Variants in CPLANE1 observed in about 807,000 individuals in gnomAD.
CPLANE1 encodes the protein ciliogenesis and planar polarity effector 1.
CPLANE1 carries 263 observed loss-of-function variants against 362.5 expected under a neutral mutation model. The observed-to-expected ratio is 0.73, with a 90% CI of 0.66 to 0.80. The LOEUF is 0.80. CPLANE1 is among the 30% of genes least tolerant of loss of function. CPLANE1 has a pLI of 0.00. For missense variants in CPLANE1, 3,461 were observed against 3,793.4 expected, an observed-to-expected ratio of 0.91 and a Z score of 2.30; for synonymous variants, 1,212 against 1,302.6, an observed-to-expected ratio of 0.93 and a Z score of 1.50.
Position 37,162,327 on chromosome 5 carries a change from G to A in CPLANE1, c.7690+138C>T, listed in dbSNP as rs1475036978. The A allele has an allele frequency of 1.2e-5, 7 of 603,436 alleles. No homozygotes were observed. The Admixed American group carries it at 2.1e-4, about 18-fold the overall frequency. The allele number at this position is 603,436 out of a possible 1,614,324, so 37.4% of individuals were successfully genotyped here. On this transcript the variant is annotated intron_variant, in intron 38 of 52. Transcript: ENST00000651892. ...GATTTCTACAGTATATACCAAGACT[G>A]GAAAGAAAAATCTAGGCAGAGTAAA...
chr5:37,225,852 CA>C (rs70976285), intron 12 of CPLANE1, among the ~76,000 whole-genome samples: 10,682 of 57,872 alleles, frequency 0.18, 299 homozygotes, highest in African/African-American at 0.31. Context: ...TACTCCATCT[CA>C]AAAAAAAAAA....
the CPLANE1 span, among the ~76,000 whole-genome samples, chr5:37,096,310 C>T: frequency 2.0e-5 from 3 of 152,160 alleles, no homozygotes; most frequent in Non-Finnish European, 2.9e-5. Context: ...GGGGAAAGGA[C>T]ACCCTTTTCA....
At chr5:37,248,591 G>A (rs1234336324) in intron 1 of CPLANE1, among the ~76,000 whole-genome samples, 1 of 152,182 alleles carries the variant, frequency 6.6e-6, no homozygotes, top group Non-Finnish European at 1.5e-5. Flanking sequence ...AGGCTGCAGT[G>A]AGCTGTGATT....
At chr5:37,119,312 C>T (rs1761955195) in intron 50 of CPLANE1, among the ~76,000 whole-genome samples, 2 of 152,182 alleles carry the variant, frequency 1.3e-5, no homozygotes, top group South Asian at 4.2e-4. Flanking sequence ...GCCAGATATA[C>T]AAAAGAAACA....
the CPLANE1 span, among the ~76,000 whole-genome samples, chr5:37,092,038 T>C: frequency 2.6e-5 from 4 of 152,342 alleles, no homozygotes; most frequent in East Asian, 7.7e-4. Context: ...GCAACTCACA[T>C]AGGGTATTGA....
chr5:37,226,122 G>C (rs1169206217), intron 12 of CPLANE1, among the ~76,000 whole-genome samples, 182 bp downstream of exon 12: 8 of 151,984 alleles, frequency 5.3e-5, no homozygotes, highest in Admixed American at 5.2e-4. Flanking sequence ...TTTCTTTCTG[G>C]GGTGATAAAA....
chr5:37,165,750 T>C (rs1252804542), intron 35 of CPLANE1, 79 bp from the exon 36 acceptor site: 2 of 1,292,258 alleles, frequency 1.5e-6, no homozygotes, highest in Admixed American at 2.7e-5. Context: ...TATATAGGGA[T>C]ACAGTTGACA....
chr5:37,165,581 G>A lies in CPLANE1; in HGVS notation c.7491C>T (p.Ser2497=). The A allele has an allele frequency of 6.2e-7, 1 of 1,608,406 alleles. No homozygotes were observed. Among genetic ancestry groups the A allele is most frequent in the Non-Finnish European group, 8.5e-7 (1 of 1,178,392 alleles). Residue 2497 remains serine, a synonymous_variant, in exon 36 of 53, where the codon TCC becomes TCT. Transcript: ENST00000651892. Reference sequence around the variant, plus strand: ...TTTCTGAATCATCATTATTAATTATGGAATTCTCTGGTCGAAAAGTCACAT... The same window carrying A: ...TTTCTGAATCATCATTATTAATTATAGAATTCTCTGGTCGAAAAGTCACAT... The part of the protein sequence containing the change: ...KPNVTFRPEN[S]IINNDDSEII...
At chr5:37,081,209 G>GA in the CPLANE1 span, among the ~76,000 whole-genome samples, 1 of 152,064 alleles carries the variant, frequency 6.6e-6, no homozygotes, top group East Asian at 1.9e-4. Context: ...AGAGTCCAGA[G>GA]AAAAAAGTCA....
Position 37,193,581 on chromosome 5 carries a change from G to A in CPLANE1, c.3811+2277C>T, listed in dbSNP as rs1003096844. On this transcript the variant is annotated intron_variant, in intron 21 of 52. Transcript: ENST00000651892. ...GAGGCAGGAGAATCACTTGAACCCA[G>A]GAGATGGAGGTTACAGTGAGCCGAG... is the stretch of plus-strand genomic sequence containing the variant. Among the ~76,000 whole-genome samples, 9 of 152,040 alleles carry A rather than the reference G, an allele frequency of 5.9e-5. 1 individual carries two copies. Among genetic ancestry groups the A allele is most frequent in the African/African-American group, 2.2e-4 (9 of 41,392 alleles).
chr5:37,129,939 C>T (rs1169995817), intron 46 of CPLANE1, among the ~76,000 whole-genome samples: 1 of 152,226 alleles, frequency 6.6e-6, no homozygotes, highest in African/African-American at 2.4e-5. Context: ...AAGATACTTA[C>T]ACACGCATGT....
the CPLANE1 span, among the ~76,000 whole-genome samples, chr5:37,082,860 G>GT: frequency 2.6e-5 from 4 of 152,118 alleles, no homozygotes; most frequent in Non-Finnish European, 5.9e-5. Flanking sequence ...GGGTGGAGTT[G>GT]TGAGATTGTG....
rs749728770 is a variant in CPLANE1 at position 37,107,647 on chromosome 5, G to A, written c.9711C>T (p.Ser3237=). 19 of 1,610,788 alleles carry A rather than the reference G, an allele frequency of 1.2e-5. No individual in the cohort carries two copies. The highest frequency in any genetic ancestry group is 1.1e-4 in the East Asian group (5 of 44,778). ...GGACAGACAGGCCCTGGTCCTCCACGCTGGCCACCATGTCTTCGATGGCAT... is the reference window on the plus strand; with the variant it reads ...GGACAGACAGGCCCTGGTCCTCCACACTGGCCACCATGTCTTCGATGGCAT... The part of the protein sequence containing the change: ...DWNAIEDMVA[S]VEDQGLSVHW... Residue 3237 remains serine (S), a synonymous_variant, in exon 53 of 53, where the codon AGC becomes AGT. Coordinates refer to ENST00000651892, the MANE Select transcript of CPLANE1 (RefSeq NM_001384732.1).
intron 29 of CPLANE1, 33 bp downstream of exon 29, chr5:37,179,327 GA>G: frequency 7.8e-7 from 1 of 1,288,142 alleles, no homozygotes; most frequent in Non-Finnish European, 1.1e-6. Context: ...CAAAATGAAA[GA>G]AGAATAATTA....
chr5:37,091,295 T>G, the CPLANE1 span, among the ~76,000 whole-genome samples: 1 of 151,890 alleles, frequency 6.6e-6, no homozygotes, highest in Non-Finnish European at 1.5e-5. Context: ...TCCTAGAGAG[T>G]CCACTTGGTA....
intron 37 of CPLANE1, 55 bp from the exon 38 acceptor site, chr5:37,162,621 G>T: frequency 8.2e-7 from 1 of 1,218,204 alleles, no homozygotes; most frequent in Non-Finnish European, 1.2e-6. Flanking sequence ...AGATTACCAG[G>T]AGCCCAGCAG....
intron 32 of CPLANE1, among the ~76,000 whole-genome samples, chr5:37,172,989 A>G (rs1305867965): frequency 6.6e-6 from 1 of 152,228 alleles, no homozygotes; most frequent in Non-Finnish European, 1.5e-5. Flanking sequence ...GTCTCAAAAA[A>G]TAAAAATATA....
At chr5:37,154,149 T>C (rs1039678332) in intron 41 of CPLANE1, among the ~76,000 whole-genome samples, 156 bp from the exon 42 acceptor site, 1 of 152,224 alleles carries the variant, frequency 6.6e-6, no homozygotes, top group Non-Finnish European at 1.5e-5. Flanking sequence ...TTTCAGCTTC[T>C]TGATTTCTGG....
chr5:37,093,388 C>T, the CPLANE1 span, among the ~76,000 whole-genome samples: 1 of 152,184 alleles, frequency 6.6e-6, no homozygotes, highest in African/African-American at 2.4e-5. Flanking sequence ...TGTGTCACTT[C>T]TCTACCATGG....
Sources: allele counts gnomAD v4.1 joint callset (sites outside exome capture counted in the v4.1 genomes callset), GRCh38; gene constraint gnomAD v4.1.1; transcripts MANE v1.5; gene names NCBI Gene and HGNC (gene_info 2026-07-23, HGNC 2026-07-21).